Variants in DST observed in about 807,000 individuals in gnomAD.
DST encodes the protein bullous pemphigoid antigen.
A neutral mutation model predicts 875.2 loss-of-function variants in DST; 253 were observed. That is an observed-to-expected ratio of 0.29 (90% CI 0.26 to 0.32). The LOEUF (loss-of-function observed/expected upper bound fraction) is 0.32. DST is among the 10% of genes least tolerant of loss of function. The probability of loss-of-function intolerance (pLI) is 1.00; values close to 1 mark genes in which losing one functional copy is unlikely to be tolerated. For synonymous variants in DST, 3,124 were observed against 3,197.1 expected (o/e 0.98, Z 0.77); for missense variants, 8,287 against 9,111.6 (o/e 0.91, Z 3.68).
Position 56,938,106 on chromosome 6 carries a change from C to A in DST, c.216+15679G>T, listed in dbSNP as rs1467480174. 2.8e-3 allele frequency among the ~76,000 whole-genome samples: 85 copies of A among 30,064 alleles called. No homozygotes were observed. In the South Asian group the frequency reaches 0.037, roughly 13 times the overall value. 19.7% of individuals were successfully genotyped at this position (30,064 alleles called of 152,430 possible). ...TTTCTCTCTCTCTCTCTCTCTCTCT[C>A]TCTATATATATATATATATATATAT... is the stretch of plus-strand genomic sequence containing the variant. On this transcript the variant is annotated intron_variant, in intron 2 of 103. Transcript: ENST00000680361.
Position 56,589,601 on chromosome 6 carries a change from G to A in DST, c.12903+2581C>T, listed in dbSNP as rs78805630. On this transcript the variant is annotated intron_variant, in intron 49 of 103. Coordinates refer to ENST00000680361, the MANE Select transcript of DST (RefSeq NM_001374736.1). ...CACCCCAAAGATTAGCGCAAGTCTGGAAGGCTGACATTGTCAGTCAATGCA... is the reference window on the plus strand; with the variant it reads ...CACCCCAAAGATTAGCGCAAGTCTGAAAGGCTGACATTGTCAGTCAATGCA... Among the ~76,000 whole-genome samples the A allele has an allele frequency of 4.6e-3, 705 of 152,316 alleles. 16 individuals are homozygous for A. The highest frequency in any genetic ancestry group is 0.034 in the East Asian group (175 of 5,186).
At chr6:56,581,051 T>TAAAA (rs771314105) in intron 49 of DST, among the ~76,000 whole-genome samples, 8 of 90,696 alleles carry the variant, frequency 8.8e-5, no homozygotes, top group Middle Eastern at 6.8e-3. Flanking sequence ...TGGCATTTAT[T>TAAAA]AAAAAAAAAA....
At chr6:56,768,526 C>A (rs2099640391) in intron 4 of DST, among the ~76,000 whole-genome samples, 1 of 152,176 alleles carries the variant, frequency 6.6e-6, no homozygotes, top group Admixed American at 6.5e-5. Flanking sequence ...AGACCTTATA[C>A]CTTTCACAAA....
At chr6:56,790,482 T>C (rs534671603) in intron 4 of DST, among the ~76,000 whole-genome samples, 1 of 152,330 alleles carries the variant, frequency 6.6e-6, no homozygotes, top group East Asian at 1.9e-4. Flanking sequence ...ATAAAGCCTA[T>C]TATTAATCTC....
At chr6:56,623,610 G>A (rs1222911016) in intron 36 of DST, among the ~76,000 whole-genome samples, 1 of 152,136 alleles carries the variant, frequency 6.6e-6, no homozygotes, top group African/African-American at 2.4e-5. Flanking sequence ...GATGTTTACT[G>A]CTGTTTCAGC....
chr6:56,937,574 C>A (rs1813677310), intron 2 of DST, among the ~76,000 whole-genome samples: 1 of 152,126 alleles, frequency 6.6e-6, no homozygotes, highest in Admixed American at 6.6e-5. Context: ...TTAAATTGTA[C>A]AGCCATTTAA....
chr6:56,692,747 C>T (rs2099239606), intron 9 of DST: 2 of 1,289,636 alleles, frequency 1.6e-6, no homozygotes, highest in Non-Finnish European at 1.0e-6. Flanking sequence ...CTAACTTTTA[C>T]TTCTGTTTCA....
chr6:56,711,818 G>A (rs1407093905), intron 5 of DST, among the ~76,000 whole-genome samples: 1 of 151,872 alleles, frequency 6.6e-6, no homozygotes, highest in South Asian at 2.1e-4. Context: ...GTGGCCGGGC[G>A]CGGTGGCTCA....
intron 4 of DST, chr6:56,843,624 G>C (rs1481710049): frequency 1.0e-5 from 10 of 984,164 alleles, no homozygotes; most frequent in South Asian, 9.4e-5. Flanking sequence ...TGCCTTCACC[G>C]GGGATGCTGC....
intron 5 of DST, among the ~76,000 whole-genome samples, chr6:56,729,732 T>C (rs1206837120): frequency 2.6e-5 from 4 of 152,114 alleles, no homozygotes; most frequent in Non-Finnish European, 5.9e-5. Flanking sequence ...CTCTAAAAGA[T>C]ACCACTGTGT....
intron 3 of DST, among the ~76,000 whole-genome samples, chr6:56,884,323 T>C (rs1274808096): frequency 6.6e-6 from 1 of 152,208 alleles, no homozygotes; most frequent in Admixed American, 6.5e-5. Context: ...GTTCTAGAGT[T>C]TCCCACACCT....
intron 4 of DST, among the ~76,000 whole-genome samples, chr6:56,846,398 ATTCCAAC>A (rs1398126275): frequency 6.6e-6 from 1 of 152,242 alleles, no homozygotes; most frequent in Admixed American, 6.5e-5. Flanking sequence ...TGATCCTTCA[ATTCCAAC>A]TTCGAAGAAT....
intron 5 of DST, among the ~76,000 whole-genome samples, chr6:56,731,426 T>C (rs970270512): frequency 2.6e-5 from 4 of 152,230 alleles, no homozygotes; most frequent in Admixed American, 6.5e-5. Context: ...TGCAAGTGTA[T>C]AGAAACACAA....
rs749444940 is a variant in DST at position 56,593,916 on chromosome 6, T to C, written c.12473A>G (p.Glu4158Gly). ...HWLQQSEQEL[E>G]NLEAGADDIN... is the part of the protein sequence containing the mutation. ...GTCATCTGCACCTGCCTCCAGGTTT[T>C]CAAGTTCTTGTTCTGACTGCTGTAG... Residue 4158 changes from glutamate (E) to glycine (G), a missense_variant, in exon 48 of 104, where the codon GAA (glutamate) becomes GGA (glycine). Transcript: ENST00000680361. 40 of 1,613,682 alleles carry C rather than the reference T, an allele frequency of 2.5e-5. No individual in the cohort carries two copies. Among genetic ancestry groups the C allele is most frequent in the Non-Finnish European group, 3.3e-5 (39 of 1,179,748 alleles).
rs35166231 is a variant in DST, at chr6:56,938,135, TAA to T, written c.216+15648_216+15649del. On this transcript the variant is annotated intron_variant, in intron 2 of 103. Coordinates refer to ENST00000680361, the MANE Select transcript of DST (RefSeq NM_001374736.1). ...ATATATATATATATATATATATGTT[TAA>T]AAAAAAATTTTTTTGAGATAGATTC... 1.0e-3 allele frequency among the ~76,000 whole-genome samples: 155 copies of T among 147,820 alleles called. 1 individual carries two copies. The highest frequency in any genetic ancestry group is 1.8e-3 in the Admixed American group (26 of 14,774).
At position 56,607,327 on chromosome 6, in the gene DST, C is replaced by T. The variant is rs757991177; in HGVS notation, c.7301G>A (p.Arg2434Lys). The T allele has an allele frequency of 6.2e-7, 1 of 1,613,212 alleles. No individual in the cohort carries two copies. Among genetic ancestry groups the T allele is most frequent in the Non-Finnish European group, 8.5e-7 (1 of 1,179,660 alleles). Reference sequence around the variant, plus strand: ...ATCATGACTTAACAAGGCACTTAGCCTGGGGGAATAGTCAAAGATAGGTGA... The same window carrying T: ...ATCATGACTTAACAAGGCACTTAGCTTGGGGGAATAGTCAAAGATAGGTGA... ...RDSPIFDYSP[R>K]LSALLSHDKL... Residue 2434 changes from arginine (R) to lysine (K), a missense_variant, in exon 40 of 104, where the codon AGG becomes AAG. Physicochemically the swap from Arg to Lys is conservative, Grantham distance 26. Transcript: ENST00000680361.
At chr6:56,520,743 T>A (rs1387260260) in intron 69 of DST, among the ~76,000 whole-genome samples, 2 of 151,780 alleles carry the variant, frequency 1.3e-5, no homozygotes, top group Admixed American at 6.6e-5. Flanking sequence ...ATAAAAAAAA[T>A]TTTAAAAGAA....
chr6:56,746,141 C>T (rs746255534), intron 4 of DST, among the ~76,000 whole-genome samples: 1 of 152,066 alleles, frequency 6.6e-6, no homozygotes, highest in Non-Finnish European at 1.5e-5. Context: ...ACCCCACCAC[C>T]CCCAGCTAAT....
intron 9 of DST, among the ~76,000 whole-genome samples, chr6:56,686,825 A>C (rs2099190518): frequency 6.6e-6 from 1 of 152,256 alleles, no homozygotes; most frequent in South Asian, 2.1e-4. Context: ...TCTTTTCTCC[A>C]GAAACAGAAG....
Sources: allele counts gnomAD v4.1 joint callset (sites outside exome capture counted in the v4.1 genomes callset), GRCh38; gene constraint gnomAD v4.1.1; transcripts MANE v1.5; gene names NCBI Gene and HGNC (gene_info 2026-07-23, HGNC 2026-07-21).